TNFSF18: variants seen among roughly 807,000 people sequenced by gnomAD.
TNFSF18 encodes the protein TNF superfamily member 18, also known as tumor necrosis factor ligand superfamily member 18.
TNFSF18 carries 6 observed loss-of-function variants against 9.6 expected under a neutral mutation model. That is an observed-to-expected ratio of 0.63 (90% CI 0.34 to 1.24). The LOEUF is 1.24. TNFSF18 is among the 50% of genes most tolerant of loss of function. The probability of loss-of-function intolerance (pLI) is 0.03; values close to 1 mark genes in which losing one functional copy is unlikely to be tolerated. For missense variants in TNFSF18, 210 were observed against 201.0 expected, an observed-to-expected ratio of 1.04 and a Z score of -0.27; for synonymous variants, 68 against 71.7, an observed-to-expected ratio of 0.95 and a Z score of 0.26.
At chr1:173,043,147 C>G (rs530407868) in intron 2 of TNFSF18, among the ~76,000 whole-genome samples, 1 of 152,074 alleles carries the variant, frequency 6.6e-6, no homozygotes, top group African/African-American at 2.4e-5. Flanking sequence ...CATTCCATTC[C>G]ACTTATGGGC....
At chr1:173,041,833 T>C (rs974065750) in intron 2 of TNFSF18, 120 bp from the exon 3 acceptor site, 1 of 895,148 alleles carries the variant, frequency 1.1e-6, no homozygotes, top group Non-Finnish European at 1.7e-6. Flanking sequence ...TGATCTACAC[T>C]AGTTCTCTTC....
rs867308998 is a variant in TNFSF18 at position 173,048,481 on chromosome 1, C to G, written c.156+2260G>C. The stretch of plus-strand genomic sequence containing the variant: ...CCTTCTGAAAGTATCCTTCATTTTG[C>G]TGAAGTTCAGACTCTGCTGAACATT... On this transcript the variant is annotated intron_variant, in intron 1 of 2. Coordinates refer to ENST00000404377, the MANE Select transcript of TNFSF18 (RefSeq NM_005092.4). 8.5e-5 allele frequency among the ~76,000 whole-genome samples: 13 copies of G among 152,200 alleles called. 1 individual carries two copies. Among genetic ancestry groups the G allele is most frequent in the Middle Eastern group, 6.8e-3 (2 of 294 alleles).
chr1:173,041,809 G>GAT, intron 2 of TNFSF18, 96 bp from the exon 3 acceptor site: 2 of 1,001,944 alleles, frequency 2.0e-6, no homozygotes, highest in Non-Finnish European at 2.7e-6. Context: ...CCACATACAT[G>GAT]TTGTTTCTTT....
At position 173,041,639 on chromosome 1, in the gene TNFSF18, C is replaced by A; in HGVS notation, c.262G>T (p.Glu88Ter). 6.2e-7 allele frequency: 1 copy of A among 1,613,462 alleles called. No homozygotes were observed. The highest frequency in any genetic ancestry group is 1.1e-5 in the South Asian group (1 of 91,036). Residue 88 changes from glutamate (E) to a stop codon, truncating the protein, a stop_gained, in exon 3 of 3, where the codon GAG becomes TAG. Coordinates refer to ENST00000404377, the MANE Select transcript of TNFSF18 (RefSeq NM_005092.4). LOFTEE classifies it low-confidence loss of function (END_TRUNC). ...CVNKVSDWKL[E>*]ILQNGLYLIY... ...AAATATAAGCCATTCTGAAGTATCT[C>A]CAGCTTCCAGTCAGACACCTTATTC...
intron 2 of TNFSF18, 93 bp downstream of exon 2, chr1:173,043,846 A>C: frequency 8.5e-7 from 1 of 1,176,506 alleles, no homozygotes; most frequent in Non-Finnish European, 1.3e-6. Context: ...GAAATGAATA[A>C]AAGAAAATAC....
In TNFSF18 at chr1:173,043,975, G is replaced by A; in HGVS notation, c.157-6C>T. 3.1e-6 allele frequency: 5 copies of A among 1,611,720 alleles called. No homozygotes were observed. Among genetic ancestry groups the A allele is most frequent in the Non-Finnish European group, 4.2e-6 (5 of 1,178,030 alleles). The stretch of plus-strand genomic sequence containing the variant: ...ATACAGGGCTCCTTAGCAGTCTGTT[G>A]GGGAAATAAAAGATGAATTGATTAG... On this transcript the variant is annotated splice_polypyrimidine_tract_variant and splice_region_variant and intron_variant, in intron 1 of 2. Transcript: ENST00000404377.
rs192313197 is a variant in TNFSF18 at position 173,046,170 on chromosome 1, A to G, written c.157-2201T>C. Among the ~76,000 whole-genome samples the G allele has an allele frequency of 5.0e-3, 756 of 152,334 alleles. 4 individuals carry two copies. The highest frequency in any genetic ancestry group is 8.4e-3 in the Non-Finnish European group (571 of 68,028). ...ATGTTTTTCTTCAGATATATTCAAC[A>G]GTGAAAGAGACAGAGCAGTTGGATT... On this transcript the variant is annotated intron_variant, in intron 1 of 2. Coordinates refer to ENST00000404377, the MANE Select transcript of TNFSF18 (RefSeq NM_005092.4).
chr1:173,045,334 T>G (rs1665063702), intron 1 of TNFSF18, among the ~76,000 whole-genome samples: 1 of 151,722 alleles, frequency 6.6e-6, no homozygotes, highest in South Asian at 2.1e-4. Flanking sequence ...ACTAGGAGAG[T>G]CTGATGTTTG....
chr1:173,042,969 A>G (rs1403558413), intron 2 of TNFSF18, among the ~76,000 whole-genome samples: 2 of 152,178 alleles, frequency 1.3e-5, no homozygotes, highest in Admixed American at 1.3e-4. Context: ...GGAGCCCAGT[A>G]AATTTCTTCT....
chr1:173,041,702 A>T lies in TNFSF18; in HGVS notation c.199T>A (p.Ser67Thr). The change falls in exon 3 of 3, where the codon TCA becomes ACA. Residue 67 changes from serine (S) to threonine (T), a missense_variant. By Grantham distance (58) the Ser-to-Thr change is moderately conservative. Coordinates refer to ENST00000404377, the MANE Select transcript of TNFSF18 (RefSeq NM_005092.4). ...PCMAKFGPLP[S>T]KWQMASSEPP... ...TCAGAAGATGCCATTTGCCATTTTGAGGGTAATGGTCCTATAAGAAATATA... is the reference window on the plus strand; with the variant it reads ...TCAGAAGATGCCATTTGCCATTTTGTGGGTAATGGTCCTATAAGAAATATA... 1 of 1,602,202 alleles carries T rather than the reference A, an allele frequency of 6.2e-7. No homozygotes were observed. The highest frequency in any genetic ancestry group is 8.5e-7 in the Non-Finnish European group (1 of 1,174,364).
At chr1:173,044,181 AG>A (rs769649067) in intron 1 of TNFSF18, among the ~76,000 whole-genome samples, 28 of 151,994 alleles carry the variant, frequency 1.8e-4, no homozygotes, top group Non-Finnish European at 3.5e-4. Flanking sequence ...CTTCCCTTTT[AG>A]GTCTTTTAGA....
rs1664987019 is a variant in TNFSF18, at chr1:173,041,372, A to G, written c.529T>C (p.Ser177Pro). 6.2e-7 allele frequency: 1 copy of G among 1,602,566 alleles called. No individual in the cohort carries two copies. The highest frequency in any genetic ancestry group is 1.1e-5 in the South Asian group (1 of 88,888). ...GAGGAGATCAAATCAAGTCTCTAGG[A>G]GATGAATTGGGGATTTGCTAGTAAA... ...IILLANPQFIS is the reference protein window; with the variant it reads ...IILLANPQFIP Residue 177 changes from serine to proline, a missense_variant, in exon 3 of 3, where the codon TCC becomes CCC. Ser to Pro is a moderately conservative substitution (Grantham distance 74, BLOSUM62 -1). Coordinates refer to ENST00000404377, the MANE Select transcript of TNFSF18 (RefSeq NM_005092.4).
chr1:173,049,707 C>T (rs1394065635), intron 1 of TNFSF18, among the ~76,000 whole-genome samples: 1 of 152,168 alleles, frequency 6.6e-6, no homozygotes, highest in African/African-American at 2.4e-5. Flanking sequence ...AAAAGTGTTT[C>T]TGCAGTCACA....
intron 1 of TNFSF18, among the ~76,000 whole-genome samples, chr1:173,048,616 A>G (rs1469656108): frequency 6.6e-6 from 1 of 152,202 alleles, no homozygotes; most frequent in East Asian, 1.9e-4. Flanking sequence ...GAAGAGAGAA[A>G]AAAAGAAAAA....
Position 173,041,638 on chromosome 1 carries a change from T to C in TNFSF18, c.263A>G (p.Glu88Gly), listed in dbSNP as rs1413259505. 1 of 1,613,484 alleles carries C rather than the reference T, an allele frequency of 6.2e-7. No homozygotes were observed. The highest frequency in any genetic ancestry group is 1.1e-5 in the South Asian group (1 of 91,036). Residue 88 changes from glutamate to glycine, a missense_variant, in exon 3 of 3, where the codon GAG becomes GGG. Glu to Gly is a moderately conservative substitution (Grantham distance 98). Transcript: ENST00000404377. ...CVNKVSDWKLEILQNGLYLIY... is the reference protein window; with the variant it reads ...CVNKVSDWKLGILQNGLYLIY... The stretch of plus-strand genomic sequence containing the variant: ...TAAATATAAGCCATTCTGAAGTATC[T>C]CCAGCTTCCAGTCAGACACCTTATT...
rs577901586 is a variant in TNFSF18 at position 173,043,941 on chromosome 1, A to G, written c.185T>C (p.Phe62Ser). The G allele has an allele frequency of 9.3e-5, 150 of 1,612,716 alleles. No homozygotes were observed. The highest frequency in any genetic ancestry group is 1.2e-4 in the Non-Finnish European group (142 of 1,178,926). ...ETAKEPCMAKFGPLPSKWQMA... is the reference protein window; with the variant it reads ...ETAKEPCMAKSGPLPSKWQMA... ...GACATGCAAGATAGGTTACTCACCA[A>G]ACTTAGCCATACAGGGCTCCTTAGC... Residue 62 changes from phenylalanine (F) to serine (S), a missense_variant and splice_region_variant, in exon 2 of 3, where the codon TTT (phenylalanine) becomes TCT (serine). By Grantham distance (155) the Phe-to-Ser change is radical (BLOSUM62 -2). Transcript: ENST00000404377.
At chr1:173,045,633 T>TTTGTTG (rs142244941) in intron 1 of TNFSF18, among the ~76,000 whole-genome samples, 131 of 151,236 alleles carry the variant, frequency 8.7e-4, no homozygotes, top group Admixed American at 3.3e-3. Context: ...AAAGAGGTTT[T>TTTGTTG]TTGTTGTTGT....
chr1:173,049,906 A>C (rs1665142054), intron 1 of TNFSF18, among the ~76,000 whole-genome samples: 2 of 152,146 alleles, frequency 1.3e-5, no homozygotes, highest in South Asian at 4.1e-4. Context: ...CTCCATTCCC[A>C]GTGTACCATC....
intron 2 of TNFSF18, among the ~76,000 whole-genome samples, chr1:173,042,170 A>G (rs547581647): frequency 6.6e-6 from 1 of 152,324 alleles, no homozygotes; most frequent in South Asian, 2.1e-4. Flanking sequence ...TATATTAAAA[A>G]GTGTTCTCCT....
Sources: allele counts gnomAD v4.1 joint callset (sites outside exome capture counted in the v4.1 genomes callset), GRCh38; gene constraint gnomAD v4.1.1; transcripts MANE v1.5; gene names NCBI Gene and HGNC (gene_info 2026-07-23, HGNC 2026-07-21).